Variants in PTPRT observed in about 807,000 individuals in gnomAD.
PTPRT encodes receptor-type tyrosine-protein phosphatase T.
PTPRT carries 56 observed loss-of-function variants against 176.8 expected under a neutral mutation model. The ratio of observed to expected loss-of-function variants is 0.32; its 90% CI spans 0.26 to 0.40. The LOEUF is 0.40. Ranked by LOEUF, PTPRT falls within the 10% of genes least tolerant of loss-of-function variation. PTPRT has a pLI of 1.00. For missense variants in PTPRT, 1,540 were observed against 1,908.2 expected (o/e 0.81, Z 3.60); for synonymous variants, 783 against 739.0 (o/e 1.06, Z -0.96).
chr20:42,078,277 C>T lies in PTPRT; in HGVS notation c.*2602G>A, dbSNP rs1166688480. ...GATCAAGTCTGGTGTCCCTGGACTT[C>T]TGGACAGCTCCAGAGCCCATGCCAA... On this transcript the variant is annotated 3_prime_UTR_variant, in exon 31 of 31. Transcript: ENST00000373187. 1 of 207,646 alleles carries T rather than the reference C, an allele frequency of 4.8e-6. No individual in the cohort carries two copies. The highest frequency in any genetic ancestry group is 9.8e-6 in the Non-Finnish European group (1 of 101,550). The allele number at this position is 207,646 out of a possible 1,614,324, so 12.9% of individuals were successfully genotyped here. A position where few individuals can be genotyped will look rare whatever the true frequency, so the allele number is the denominator to read the frequency against.
intron 7 of PTPRT, among the ~76,000 whole-genome samples, chr20:42,622,086 A>G (rs2074208280): frequency 6.6e-6 from 1 of 152,224 alleles, no homozygotes; most frequent in Non-Finnish European, 1.5e-5. Flanking sequence ...GCTCTCCTTA[A>G]CATGAATTAA....
chr20:42,570,142 G>A lies in PTPRT; in HGVS notation c.1154-97580C>T, dbSNP rs117711440. Among the ~76,000 whole-genome samples, 560 of 152,146 alleles carry A rather than the reference G, an allele frequency of 3.7e-3. 15 individuals carry two copies. The East Asian group carries it at 0.061, about 17-fold the overall frequency. On this transcript the variant is annotated intron_variant, in intron 7 of 30. Coordinates refer to ENST00000373187, the MANE Select transcript of PTPRT (RefSeq NM_007050.6). ...CCTGGCAGGACAGCCAGTGTGTGTC[G>A]CCAGTGTGTGTCGTCAGTGTCTGGG...
At chr20:42,051,424 AG>A in the PTPRT span, among the ~76,000 whole-genome samples, 1 of 152,208 alleles carries the variant, frequency 6.6e-6, no homozygotes, top group African/African-American at 2.4e-5. Flanking sequence ...AGGAGGGAAA[AG>A]AATTGTGAGA....
At chr20:43,072,229 T>C (rs979989767) in intron 1 of PTPRT, among the ~76,000 whole-genome samples, 2 of 152,212 alleles carry the variant, frequency 1.3e-5, no homozygotes, top group Admixed American at 6.5e-5. Flanking sequence ...ATAATGGCCT[T>C]ATAGACATCA....
At chr20:42,112,752 C>G (rs538556381) in intron 22 of PTPRT, among the ~76,000 whole-genome samples, 1 of 152,184 alleles carries the variant, frequency 6.6e-6, no homozygotes, top group South Asian at 2.1e-4. Context: ...CAAACGACTG[C>G]TGCTTCTGGC....
At chr20:42,865,002 G>T (rs2078722025) in intron 2 of PTPRT, among the ~76,000 whole-genome samples, 1 of 152,158 alleles carries the variant, frequency 6.6e-6, no homozygotes, top group African/African-American at 2.4e-5. Flanking sequence ...CCAGAGGTTG[G>T]AACTATACTC....
intron 2 of PTPRT, among the ~76,000 whole-genome samples, chr20:42,815,361 G>A (rs1482561893): frequency 6.6e-6 from 1 of 152,184 alleles, no homozygotes; most frequent in East Asian, 1.9e-4. Flanking sequence ...ATGACTGACT[G>A]AAGAGATGAG....
chr20:42,556,563 T>TA lies in PTPRT; in HGVS notation c.1154-84002_1154-84001insT, dbSNP rs2072864824. 5.5e-4 allele frequency among the ~76,000 whole-genome samples: 77 copies of TA among 138,946 alleles called. 1 individual carries two copies. The highest frequency in any genetic ancestry group is 3.6e-3 in the East Asian group (15 of 4,130). 91.2% of individuals were successfully genotyped at this position (138,946 alleles called of 152,430 possible). A position where few individuals can be genotyped will look rare whatever the true frequency, so the allele number is the denominator to read the frequency against. On this transcript the variant is annotated intron_variant, in intron 7 of 30. Transcript: ENST00000373187. Reference sequence around the variant, plus strand: ...TTCGCTATCCCTATATATATATATATCCCCTATCTATAATAGATAGATGAA... The same window carrying TA: ...TTCGCTATCCCTATATATATATATATACCCCTATCTATAATAGATAGATGAA...
rs1568965777 is a variant in PTPRT at position 42,141,943 on chromosome 20, A to T, written c.2742T>A (p.Asn914Lys). ...WDTAKEDENR[N>K]KNRYGNIISY... Reference sequence around the variant, plus strand: ...ATATGATGTTCCCATATCGATTCTTATTGCGGTTTTCATCCTCCTTGGCTG... The same window carrying T: ...ATATGATGTTCCCATATCGATTCTTTTTGCGGTTTTCATCCTCCTTGGCTG... Residue 914 changes from asparagine (N) to lysine (K), a missense_variant, in exon 18 of 31, where the codon AAT becomes AAA. Asn to Lys is a moderately conservative substitution (Grantham distance 94). Coordinates refer to ENST00000373187, the MANE Select transcript of PTPRT (RefSeq NM_007050.6). 6.2e-7 allele frequency: 1 copy of T among 1,613,990 alleles called. No homozygotes were observed. The highest frequency in any genetic ancestry group is 1.3e-5 in the African/African-American group (1 of 74,916).
chr20:42,799,083 G>A (rs1355192413), intron 2 of PTPRT, among the ~76,000 whole-genome samples: 2 of 151,882 alleles, frequency 1.3e-5, no homozygotes, highest in Admixed American at 1.3e-4. Flanking sequence ...TGGAGAAGGG[G>A]AAGAAGAAAG....
intron 1 of PTPRT, among the ~76,000 whole-genome samples, chr20:42,892,280 A>G (rs1244424832): frequency 6.6e-6 from 1 of 152,112 alleles, no homozygotes; most frequent in Non-Finnish European, 1.5e-5. Context: ...TGATTGTACC[A>G]TTTTATAGAT....
At position 42,195,229 on chromosome 20, in the gene PTPRT, C is replaced by T. The variant is rs148450767; in HGVS notation, c.2491+4011G>A. ...GGTAGAATTTGAATTAGGCTAGGGC[C>T]TACCTGGTCAATAATGAAATAATTG... On this transcript the variant is annotated intron_variant, in intron 16 of 30. Transcript: ENST00000373187. Among the ~76,000 whole-genome samples the T allele has an allele frequency of 1.8e-3, 267 of 152,276 alleles. 1 individual carries two copies. Among genetic ancestry groups the T allele is most frequent in the African/African-American group, 6.0e-3 (248 of 41,572 alleles).
chr20:43,031,461 C>T (rs1045146761), intron 1 of PTPRT, among the ~76,000 whole-genome samples: 1 of 152,186 alleles, frequency 6.6e-6, no homozygotes. Context: ...ATTTCCCAGC[C>T]TCCAGAACTG....
chr20:42,482,151 G>C (rs1333448049), intron 7 of PTPRT, among the ~76,000 whole-genome samples: 1 of 152,000 alleles, frequency 6.6e-6, no homozygotes, highest in Non-Finnish European at 1.5e-5. Flanking sequence ...TATAGAAGGG[G>C]ACGAGAGAGG....
intron 2 of PTPRT, among the ~76,000 whole-genome samples, chr20:42,829,698 T>A (rs559267524): frequency 1.3e-5 from 2 of 152,060 alleles, no homozygotes; most frequent in African/African-American, 4.8e-5. Context: ...GTTAATAAAA[T>A]AGACTAATAA....
intron 1 of PTPRT, among the ~76,000 whole-genome samples, chr20:43,146,729 T>C (rs2146411702): frequency 6.6e-6 from 1 of 152,280 alleles, no homozygotes; most frequent in South Asian, 2.1e-4. Flanking sequence ...AGCCCGGTGC[T>C]AATTTGGTAT....
At chr20:42,771,155 C>T (rs183650669) in intron 5 of PTPRT, among the ~76,000 whole-genome samples, 5 of 152,258 alleles carry the variant, frequency 3.3e-5, no homozygotes, top group East Asian at 3.9e-4. Flanking sequence ...AGACACATCC[C>T]GCCAGACAAG....
At chr20:42,043,469 C>T in the PTPRT span, among the ~76,000 whole-genome samples, 3 of 152,126 alleles carry the variant, frequency 2.0e-5, no homozygotes, top group Non-Finnish European at 4.4e-5. Context: ...AAGCATATTA[C>T]TTCTGGGCCA....
chr20:42,127,191 A>ACCTTGG (rs1456287588), intron 19 of PTPRT, among the ~76,000 whole-genome samples: 1 of 152,218 alleles, frequency 6.6e-6, no homozygotes, highest in Non-Finnish European at 1.5e-5. Flanking sequence ...AGGGAGAAAT[A>ACCTTGG]ACTAGAGTCC....
Sources: allele counts gnomAD v4.1 joint callset (sites outside exome capture counted in the v4.1 genomes callset), GRCh38; gene constraint gnomAD v4.1.1; transcripts MANE v1.5; gene names NCBI Gene and HGNC (gene_info 2026-07-23, HGNC 2026-07-21).